DMC1: variants seen among roughly 807,000 people sequenced by gnomAD.
DMC1 encodes DNA meiotic recombinase 1, also known as meiotic recombination protein DMC1 homolog.
Under a neutral mutation model 50.1 loss-of-function variants are expected in DMC1, and 27 were observed. The ratio of observed to expected loss-of-function variants is 0.54; its 90% CI spans 0.40 to 0.74. The LOEUF (loss-of-function observed/expected upper bound fraction) is 0.74. Among genes scored for constraint, DMC1 ranks in the 30% least tolerant of loss-of-function variants. The pLI is 0.00. For missense variants in DMC1, 295 were observed against 420.2 expected (o/e 0.70, Z 2.60); for synonymous variants, 148 against 136.1 (o/e 1.09, Z -0.61).
chr22:38,511,281 T>C, the DMC1 span, among the ~76,000 whole-genome samples: 4 of 151,996 alleles, frequency 2.6e-5, no homozygotes, highest in South Asian at 8.3e-4. Flanking sequence ...TTCTCCCTTT[T>C]CAATTAAGAG....
chr22:38,515,656 G>A (rs915772310), downstream of DMC1, among the ~76,000 whole-genome samples: 5 of 151,768 alleles, frequency 3.3e-5, no homozygotes, highest in Non-Finnish European at 2.9e-5. Context: ...AAACTTAGCC[G>A]GGTGTAGTGG....
intron 13 of DMC1, 79 bp from the exon 14 acceptor site, chr22:38,520,168 T>G (rs921322624): frequency 1.7e-6 from 2 of 1,206,786 alleles, no homozygotes; most frequent in Non-Finnish European, 2.4e-6. Context: ...AGGCATTATG[T>G]GCCCATCAGT....
chr22:38,568,189 C>G lies in DMC1; in HGVS notation c.51+17G>C, dbSNP rs1349840297. On this transcript the variant is annotated intron_variant, in intron 2 of 13. Coordinates refer to ENST00000216024, the MANE Select transcript of DMC1 (RefSeq NM_007068.4). ...AATGATCGAATGTCTATATATCTTT[C>G]AACATTTTAGTCATACCTCTTCATC... 1 of 1,611,626 alleles carries G rather than the reference C, an allele frequency of 6.2e-7. No individual in the cohort carries two copies. The highest frequency in any genetic ancestry group is 1.1e-5 in the South Asian group (1 of 91,024).
At chr22:38,527,204 CTTCTT>C (rs1254072229) in intron 12 of DMC1, among the ~76,000 whole-genome samples, 1 of 151,972 alleles carries the variant, frequency 6.6e-6, no homozygotes, top group Non-Finnish European at 1.5e-5. Flanking sequence ...ATCTCTCCTT[CTTCTT>C]TTATTTTTTT....
chr22:38,513,146 G>A, the DMC1 span, among the ~76,000 whole-genome samples: 1 of 152,032 alleles, frequency 6.6e-6, no homozygotes, highest in Non-Finnish European at 1.5e-5. Flanking sequence ...AACAGCCTGG[G>A]CATGGATGGG....
At chr22:38,558,008 G>A (rs1052092148) in intron 5 of DMC1, among the ~76,000 whole-genome samples, 3 of 126,164 alleles carry the variant, frequency 2.4e-5, no homozygotes, top group African/African-American at 5.9e-5. Context: ...TGTCGCCCAG[G>A]CTGGAATGCA....
At chr22:38,517,484 G>A (rs144487084), downstream of DMC1, among the ~76,000 whole-genome samples, 89 of 152,174 alleles carry the variant, frequency 5.8e-4, no homozygotes, top group African/African-American at 1.9e-3. Context: ...CAGGAGAATC[G>A]CTTGAACCCA....
intron 9 of DMC1, 36 bp from the exon 10 acceptor site, chr22:38,538,648 T>C: frequency 1.3e-6 from 2 of 1,566,994 alleles, no homozygotes; most frequent in Non-Finnish European, 1.8e-6. Flanking sequence ...GTTATAAAAG[T>C]TGAAAGAAGC....
At chr22:38,565,217 G>A (rs2090569161) in intron 4 of DMC1, among the ~76,000 whole-genome samples, 1 of 151,776 alleles carries the variant, frequency 6.6e-6, no homozygotes, top group African/African-American at 2.4e-5. Flanking sequence ...AGTTGCAAAG[G>A]CCCCTCACAG....
At chr22:38,560,507 T>TAA (rs908660820) in intron 5 of DMC1, among the ~76,000 whole-genome samples, 3 of 143,334 alleles carry the variant, frequency 2.1e-5, no homozygotes, top group African/African-American at 7.6e-5. Flanking sequence ...TTTAGTGAAT[T>TAA]AAAAAAAAAA....
chr22:38,537,699 A>G (rs768348651), intron 11 of DMC1, 47 bp from the exon 12 acceptor site: 1 of 1,442,960 alleles, frequency 6.9e-7, no homozygotes, highest in Non-Finnish European at 9.8e-7. Context: ...GGCAATATAG[A>G]TATTTAAAAG....
chr22:38,521,590 A>ACACACACACACACAC lies in DMC1; in HGVS notation c.953+17_953+18insGTGTGTGTGTGTGTG, dbSNP rs757107730. 4.2e-6 allele frequency: 6 copies of ACACACACACACACAC among 1,426,380 alleles called. No homozygotes were observed. The highest frequency in any genetic ancestry group is 4.9e-6 in the Non-Finnish European group (5 of 1,025,924). The allele number at this position is 1,426,380 out of a possible 1,614,324, so 88.4% of individuals were successfully genotyped here. On this transcript the variant is annotated intron_variant, in intron 13 of 13. Transcript: ENST00000216024. The stretch of plus-strand genomic sequence containing the variant: ...ACACACACACACACACACACACACA[A>ACACACACACACACAC]AATAAAAAAAAATTTACCTGTCATA...
intron 12 of DMC1, among the ~76,000 whole-genome samples, chr22:38,524,833 G>A (rs1323518789): frequency 1.3e-5 from 2 of 152,076 alleles, no homozygotes; most frequent in Non-Finnish European, 1.5e-5. Flanking sequence ...AGGCCGAGGC[G>A]GGCGGATCAC....
chr22:38,510,058 C>A, the DMC1 span, among the ~76,000 whole-genome samples: 1 of 152,018 alleles, frequency 6.6e-6, no homozygotes, highest in Non-Finnish European at 1.5e-5. Flanking sequence ...CCTAAAAATA[C>A]AAAAAAATTA....
intron 12 of DMC1, among the ~76,000 whole-genome samples, chr22:38,534,493 A>T (rs1003190177): frequency 6.6e-6 from 1 of 151,852 alleles, no homozygotes; most frequent in Non-Finnish European, 1.5e-5. Flanking sequence ...ACCTGAGGTC[A>T]GGAGTTCGAG....
intron 8 of DMC1, among the ~76,000 whole-genome samples, chr22:38,542,334 T>G (rs1309966346): frequency 6.6e-6 from 1 of 151,992 alleles, no homozygotes; most frequent in Non-Finnish European, 1.5e-5. Flanking sequence ...CTATTAGAAC[T>G]GATAAACAAA....
chr22:38,530,571 C>T (rs1426747536), intron 12 of DMC1, among the ~76,000 whole-genome samples: 1 of 151,948 alleles, frequency 6.6e-6, no homozygotes, highest in African/African-American at 2.4e-5. Flanking sequence ...ATTGGGGTCA[C>T]ATGAGAATTA....
At chr22:38,561,178 ATT>A (rs75412644) in intron 5 of DMC1, among the ~76,000 whole-genome samples, 6 of 141,714 alleles carry the variant, frequency 4.2e-5, no homozygotes, top group Non-Finnish European at 7.8e-5. Context: ...CAGCTAATTA[ATT>A]TTTTTTTTTT....
chr22:38,539,561 A>G lies in DMC1; in HGVS notation c.495-149T>C, dbSNP rs76325031. On this transcript the variant is annotated intron_variant, in intron 8 of 13. Coordinates refer to ENST00000216024, the MANE Select transcript of DMC1 (RefSeq NM_007068.4). ...CTAGAGGATGCTAGCAACCATTTAA[A>G]GTCTATACAAGATTTGTTTATTCAT... The G allele has an allele frequency of 7.1e-6, 5 of 704,486 alleles. No homozygotes were observed. In the Admixed American group the frequency reaches 1.0e-4, roughly 15 times the overall value. 43.6% of individuals were successfully genotyped at this position (704,486 alleles called of 1,614,324 possible). A position where few individuals can be genotyped will look rare whatever the true frequency, so the allele number is the denominator to read the frequency against.
Sources: gnomAD v4.1 joint callset for allele counts (sites outside exome capture counted in the v4.1 genomes callset) on GRCh38, gnomAD v4.1.1 for gene constraint, MANE v1.5 for transcripts, NCBI Gene and HGNC (gene_info 2026-07-23, HGNC 2026-07-21) for gene names.